AP2S1: variants seen among roughly 807,000 people sequenced by gnomAD.
AP2S1 encodes the protein AP-2 complex subunit sigma.
A neutral mutation model predicts 21.0 loss-of-function variants in AP2S1; 6 were observed. That is an observed-to-expected ratio of 0.29 (90% CI 0.16 to 0.56). The LOEUF is 0.56. Among genes scored for constraint, AP2S1 ranks in the 20% least tolerant of loss-of-function variants. The pLI, the probability that AP2S1 is intolerant of heterozygous loss-of-function variation, is 0.92. For missense variants in AP2S1, 60 were observed against 186.2 expected, an observed-to-expected ratio of 0.32 and a Z score of 3.95; for synonymous variants, 63 against 74.6, an observed-to-expected ratio of 0.84 and a Z score of 0.80.
chr19:46,840,220 G>A (rs2055493274), intron 2 of AP2S1, among the ~76,000 whole-genome samples: 2 of 151,964 alleles, frequency 1.3e-5, no homozygotes, highest in African/African-American at 4.8e-5. Flanking sequence ...AAACATGCCA[G>A]GATCAGGGAC....
At chr19:46,850,190 A>G (rs1227349359) in intron 1 of AP2S1, 2 of 1,232,198 alleles carry the variant, frequency 1.6e-6, no homozygotes, top group Non-Finnish European at 2.0e-6. Flanking sequence ...TTCATTCCCT[A>G]CAGTTGCCTC....
chr19:46,839,429 C>T, intron 3 of AP2S1, 36 bp downstream of exon 3: 2 of 1,455,306 alleles, frequency 1.4e-6, no homozygotes, highest in South Asian at 1.1e-5. Flanking sequence ...GGGCTGCCCA[C>T]CCGCCTCCCC....
chr19:46,840,165 C>T (rs1335336372), intron 2 of AP2S1, among the ~76,000 whole-genome samples: 3 of 151,770 alleles, frequency 2.0e-5, no homozygotes, highest in Non-Finnish European at 2.9e-5. Context: ...CACTGAAATG[C>T]GATATACACA....
At chr19:46,841,890 TCAGA>T (rs1303315603) in intron 2 of AP2S1, among the ~76,000 whole-genome samples, 1 of 151,950 alleles carries the variant, frequency 6.6e-6, no homozygotes, top group Admixed American at 6.6e-5. Flanking sequence ...ACAGTGCGAG[TCAGA>T]CAGAGATTGG....
At position 46,847,009 on chromosome 19, in the gene AP2S1, G is replaced by A. The variant is rs555870961; in HGVS notation, c.4-867C>T. Among the ~76,000 whole-genome samples, 3 of 152,180 alleles carry A rather than the reference G, an allele frequency of 2.0e-5. No individual in the cohort carries two copies. In the South Asian group the frequency reaches 6.2e-4, roughly 32 times the overall value. ...GTTAAAAAAAAAGTTTATAAACTTA[G>A]TTCGGTGGCTGGTAGGTGGTAGATA... On this transcript the variant is annotated intron_variant, in intron 1 of 4. Transcript: ENST00000263270.
At chr19:46,841,684 A>G (rs1306811646) in intron 2 of AP2S1, among the ~76,000 whole-genome samples, 1 of 152,228 alleles carries the variant, frequency 6.6e-6, no homozygotes, top group Admixed American at 6.5e-5. Flanking sequence ...AAGGGCTGGC[A>G]CAGGTAATGG....
At chr19:46,844,008 T>C (rs1452470892) in intron 2 of AP2S1, among the ~76,000 whole-genome samples, 2 of 152,092 alleles carry the variant, frequency 1.3e-5, no homozygotes, top group Non-Finnish European at 2.9e-5. Flanking sequence ...CCTCCTGGAT[T>C]CAAGCGATTC....
intron 1 of AP2S1, among the ~76,000 whole-genome samples, chr19:46,847,946 A>G (rs1432596190): frequency 6.6e-6 from 1 of 152,088 alleles, no homozygotes; most frequent in East Asian, 1.9e-4. Context: ...TAAGAGTGAG[A>G]TTGCTGGCTC....
chr19:46,841,366 C>T (rs924011205), intron 2 of AP2S1, among the ~76,000 whole-genome samples: 1 of 152,238 alleles, frequency 6.6e-6, no homozygotes, highest in Non-Finnish European at 1.5e-5. Flanking sequence ...TCTCACCCTC[C>T]TCCGCCTCCA....
intron 2 of AP2S1, among the ~76,000 whole-genome samples, chr19:46,841,329 C>G (rs533449349): frequency 6.6e-6 from 1 of 152,306 alleles, no homozygotes; most frequent in South Asian, 2.1e-4. Context: ...CAGTGCTCCT[C>G]TCTTCTTGCA....
chr19:46,847,477 C>A (rs1441071290), intron 1 of AP2S1, among the ~76,000 whole-genome samples: 1 of 152,150 alleles, frequency 6.6e-6, no homozygotes, highest in Non-Finnish European at 1.5e-5. Context: ...CTCATCCCCC[C>A]AAAGTGCTGC....
intron 2 of AP2S1, among the ~76,000 whole-genome samples, chr19:46,845,398 T>G (rs2055612949): frequency 6.8e-6 from 1 of 146,500 alleles, no homozygotes; most frequent in Non-Finnish European, 1.5e-5. Context: ...AGAGTAAGAC[T>G]CTGTCTCAAA....
At chr19:46,839,435 TC>T in intron 3 of AP2S1, 29 bp downstream of exon 3, 3 of 779,294 alleles carry the variant, frequency 3.8e-6, no homozygotes, top group Non-Finnish European at 4.0e-6. Flanking sequence ...CCCACCCGCC[TC>T]CCCACCTTAC....
intron 1 of AP2S1, among the ~76,000 whole-genome samples, chr19:46,849,903 CTCTT>C (rs1375148238): frequency 6.6e-6 from 1 of 152,172 alleles, no homozygotes; most frequent in Non-Finnish European, 1.5e-5. Context: ...CGCTCTGACA[CTCTT>C]TCTCATTCGT....
At chr19:46,850,584 G>A (rs2055720448) in intron 1 of AP2S1, 180 bp downstream of exon 1, 1 of 640,352 alleles carries the variant, frequency 1.6e-6, no homozygotes, top group South Asian at 2.1e-5. Flanking sequence ...TAACCCCCGC[G>A]CGCAGAATCA....
Position 46,846,008 on chromosome 19 carries a change from G to A in AP2S1, c.138C>T (p.His46=). The change falls in exon 2 of 5, where the codon CAC becomes CAT. Residue 46 remains histidine, a synonymous_variant. Coordinates refer to ENST00000263270, the MANE Select transcript of AP2S1 (RefSeq NM_004069.6). The stretch of plus-strand genomic sequence containing the variant: ...CGGGCGTCACCTCCACAAAGTTGGT[G>A]TGTTTGGCGTCTCGGACGGTGACCA... The part of the protein sequence containing the change: ...HAVVTVRDAK[H]TNFVEFRNFK... 1 of 1,614,140 alleles carries A rather than the reference G, an allele frequency of 6.2e-7. No homozygotes were observed. Among genetic ancestry groups the A allele is most frequent in the Non-Finnish European group, 8.5e-7 (1 of 1,180,030 alleles).
Position 46,838,329 on chromosome 19 carries a change from G to T in AP2S1, c.*118C>A. ...CCTCCCTTGTGGCCCAGACCCAGCT[G>T]GGTCCCTTCCTCCTAGGCAGCTGAG... On this transcript the variant is annotated 3_prime_UTR_variant, in exon 5 of 5. Coordinates refer to ENST00000263270, the MANE Select transcript of AP2S1 (RefSeq NM_004069.6). The surrounding 1 kb of genome is among the most constrained non-coding windows in gnomAD (Gnocchi z 4.1). The T allele has an allele frequency of 1.1e-6, 1 of 945,448 alleles. No homozygotes were observed. Among genetic ancestry groups the T allele is most frequent in the Non-Finnish European group, 1.6e-6 (1 of 609,562 alleles). The allele number at this position is 945,448 out of a possible 1,614,324, so 58.6% of individuals were successfully genotyped here. A position where few individuals can be genotyped will look rare whatever the true frequency, so the allele number is the denominator to read the frequency against.
intron 2 of AP2S1, among the ~76,000 whole-genome samples, chr19:46,842,304 CT>C (rs1358940965): frequency 6.6e-6 from 1 of 152,132 alleles, no homozygotes; most frequent in Non-Finnish European, 1.5e-5. Flanking sequence ...GTCAGGTGCC[CT>C]CCCCCAGCCA....
intron 2 of AP2S1, among the ~76,000 whole-genome samples, chr19:46,839,882 G>A (rs936137528): frequency 2.0e-5 from 3 of 152,132 alleles, no homozygotes; most frequent in Non-Finnish European, 4.4e-5. Flanking sequence ...GCTGAGAGCT[G>A]GAGGATAGGC....
Sources: allele counts gnomAD v4.1 joint callset (sites outside exome capture counted in the v4.1 genomes callset), GRCh38; gene constraint gnomAD v4.1.1; non-coding constraint Gnocchi (gnomAD v3.1); transcripts MANE v1.5; gene names NCBI Gene and HGNC (gene_info 2026-07-23, HGNC 2026-07-21).